The following PCDH15 variants were observed in gnomAD, a reference collection of about 807,000 sequenced individuals.
The protein encoded by PCDH15 is protocadherin related 15, also known as protocadherin-15.
A neutral mutation model predicts 178.5 loss-of-function variants in PCDH15; 129 were observed. That is an observed-to-expected ratio of 0.72 (90% CI 0.63 to 0.84). The LOEUF is 0.84. Among genes scored for constraint, PCDH15 ranks in the 40% least tolerant of loss-of-function variants. The probability of loss-of-function intolerance (pLI) is 0.00; values close to 1 mark genes in which losing one functional copy is unlikely to be tolerated. For synonymous variants in PCDH15, 800 were observed against 732.0 expected (o/e 1.09, Z -1.50); for missense variants, 2,230 against 2,099.9 (o/e 1.06, Z -1.21).
At chr10:54,507,123 T>C (rs1364440281) in intron 3 of PCDH15, among the ~76,000 whole-genome samples, 1 of 151,928 alleles carries the variant, frequency 6.6e-6, no homozygotes, top group East Asian at 1.9e-4. Context: ...ACTTGTTCCT[T>C]ATGAGAACAT....
At chr10:55,397,234 C>T (rs1837951525) in intron 2 of PCDH15, among the ~76,000 whole-genome samples, 1 of 152,132 alleles carries the variant, frequency 6.6e-6, no homozygotes, top group African/African-American at 2.4e-5. Flanking sequence ...ATTGAATAAT[C>T]AGCCTCTATA....
intron 2 of PCDH15, among the ~76,000 whole-genome samples, chr10:55,560,481 T>C (rs1842175605): frequency 6.6e-6 from 1 of 151,876 alleles, no homozygotes; most frequent in Admixed American, 6.6e-5. Flanking sequence ...AAAAATATGT[T>C]CCTGAGTAAC....
intron 3 of PCDH15, among the ~76,000 whole-genome samples, chr10:54,817,600 G>A (rs1952969406): frequency 6.6e-6 from 1 of 152,010 alleles, no homozygotes; most frequent in Non-Finnish European, 1.5e-5. Context: ...TTGTAAGTGA[G>A]ATAGTTCTAT....
chr10:53,975,638 C>T (rs1230385000), intron 21 of PCDH15, among the ~76,000 whole-genome samples: 1 of 151,624 alleles, frequency 6.6e-6, no homozygotes, highest in Non-Finnish European at 1.5e-5. Context: ...TTTTGCTTGT[C>T]GAATTAGGTT....
intron 8 of PCDH15, among the ~76,000 whole-genome samples, chr10:54,286,687 A>G (rs2059047890): frequency 6.6e-6 from 1 of 152,140 alleles, no homozygotes; most frequent in Admixed American, 6.5e-5. Flanking sequence ...GTGCGGTAGC[A>G]CGATCTCAGC....
intron 1 of PCDH15, among the ~76,000 whole-genome samples, chr10:54,741,244 T>C (rs970495510): frequency 6.6e-6 from 1 of 150,982 alleles, no homozygotes; most frequent in African/African-American, 2.4e-5. Flanking sequence ...TATACTAGTA[T>C]ACAAAAACTA....
intron 3 of PCDH15, among the ~76,000 whole-genome samples, chr10:54,835,195 A>G (rs1953294772): frequency 6.6e-6 from 1 of 152,202 alleles, no homozygotes; most frequent in Admixed American, 6.6e-5. Flanking sequence ...CACCATCAGT[A>G]GACTTCAGCA....
intron 2 of PCDH15, chr10:54,599,952 C>T: frequency 1.0e-6 from 1 of 987,652 alleles, no homozygotes; most frequent in Non-Finnish European, 1.6e-6. Flanking sequence ...TGGCAGACAC[C>T]AAGGTGGAAA....
intron 2 of PCDH15, chr10:54,600,277 G>C (rs574964011): frequency 1.8e-6 from 1 of 544,924 alleles, no homozygotes; most frequent in East Asian, 4.3e-5. Flanking sequence ...GGAGGAAATG[G>C]GGAATGAGAA....
At chr10:55,314,884 A>C (rs1446870162) in intron 1 of PCDH15, among the ~76,000 whole-genome samples, 1 of 152,170 alleles carries the variant, frequency 6.6e-6, no homozygotes, top group East Asian at 1.9e-4. Context: ...AGATGACTGT[A>C]ATGTTGGATA....
At chr10:53,821,179 G>C in intron 32 of PCDH15, 1 of 972,334 alleles carries the variant, frequency 1.0e-6, no homozygotes, top group Non-Finnish European at 1.2e-6. Flanking sequence ...GACAGCAACT[G>C]AAAAAGTATA....
intron 15 of PCDH15, among the ~76,000 whole-genome samples, chr10:54,113,778 T>G: frequency 6.6e-6 from 1 of 152,278 alleles, no homozygotes; most frequent in East Asian, 1.9e-4. Flanking sequence ...CCTTTACTAT[T>G]AATTATATTT....
chr10:55,051,864 T>C (rs1420613207), intron 2 of PCDH15, among the ~76,000 whole-genome samples: 2 of 152,176 alleles, frequency 1.3e-5, no homozygotes, highest in Non-Finnish European at 2.9e-5. Context: ...GCCAGAATAC[T>C]TGGGCTCCAG....
In PCDH15 at chr10:55,595,815, A is replaced by G. The variant is rs191685534; in HGVS notation, c.-156+31810T>C. Among the ~76,000 whole-genome samples the G allele has an allele frequency of 7.2e-5, 11 of 152,212 alleles. 1 individual carries two copies. In the East Asian group the frequency reaches 2.1e-3, roughly 29 times the overall value. On this transcript the variant is annotated intron_variant, in intron 2 of 5. Coordinates refer to the PCDH15 transcript ENST00000613346. ...TTGATAATTTTGGAAAATATATTAA[A>G]CATTTGAGATTAAATATCAAAAATC...
chr10:54,920,460 CTG>C (rs1470842199), intron 2 of PCDH15, among the ~76,000 whole-genome samples: 4 of 92,592 alleles, frequency 4.3e-5, no homozygotes, highest in African/African-American at 9.2e-5. Flanking sequence ...CAGAGCAAGA[CTG>C]TGTCTCAAAA....
intron 2 of PCDH15, among the ~76,000 whole-genome samples, chr10:54,626,242 A>G (rs59091855): frequency 6.6e-6 from 1 of 152,194 alleles, no homozygotes; most frequent in African/African-American, 2.4e-5. Flanking sequence ...AGAAAATCCC[A>G]TTTTCTGAGA....
intron 2 of PCDH15, among the ~76,000 whole-genome samples, chr10:55,603,776 G>A (rs1843142181): frequency 6.7e-6 from 1 of 148,458 alleles, no homozygotes; most frequent in African/African-American, 2.5e-5. Context: ...ACTGGTACCA[G>A]CCGCTGCAAA....
At chr10:54,074,059 C>G (rs559335830) in intron 17 of PCDH15, among the ~76,000 whole-genome samples, 1 of 152,084 alleles carries the variant, frequency 6.6e-6, no homozygotes, top group Non-Finnish European at 1.5e-5. Context: ...AGAGAATTGA[C>G]GTCTAGAGTT....
intron 3 of PCDH15, among the ~76,000 whole-genome samples, chr10:54,522,621 C>G (rs1472299414): frequency 3.3e-5 from 5 of 152,214 alleles, no homozygotes; most frequent in Admixed American, 6.5e-5. Context: ...CTCCCTGTCT[C>G]TATCTCCATG....
Sources: gnomAD v4.1 joint callset for allele counts (sites outside exome capture counted in the v4.1 genomes callset) on GRCh38, gnomAD v4.1.1 for gene constraint, MANE v1.5 for transcripts, NCBI Gene and HGNC (gene_info 2026-07-23, HGNC 2026-07-21) for gene names.